Variants in DHRS3 observed in about 807,000 individuals in gnomAD.
DHRS3 encodes short-chain dehydrogenase/reductase 3.
DHRS3 carries 14 observed loss-of-function variants against 27.2 expected under a neutral mutation model. That is an observed-to-expected ratio of 0.52 (90% CI 0.34 to 0.81). DHRS3 has a LOEUF of 0.81. Among genes scored for constraint, DHRS3 ranks in the 30% least tolerant of loss-of-function variants. The pLI is 0.01. For missense variants in DHRS3, 322 were observed against 406.2 expected, an observed-to-expected ratio of 0.79 and a Z score of 1.78; for synonymous variants, 165 against 175.9, an observed-to-expected ratio of 0.94 and a Z score of 0.49.
At chr1:12,589,400 T>C (rs1646726739) in intron 1 of DHRS3, among the ~76,000 whole-genome samples, 1 of 150,836 alleles carries the variant, frequency 6.6e-6, no homozygotes, top group Non-Finnish European at 1.5e-5. Context: ...TCTTTTTTTT[T>C]TTTTTTGAGA....
At chr1:12,596,983 CT>C (rs914225290) in intron 1 of DHRS3, among the ~76,000 whole-genome samples, 1 of 152,044 alleles carries the variant, frequency 6.6e-6, no homozygotes, top group Non-Finnish European at 1.5e-5. Context: ...ATAGTCCCCC[CT>C]GGCTCAAGGA....
chr1:12,584,611 G>A (rs548258325), intron 1 of DHRS3, among the ~76,000 whole-genome samples: 2 of 152,232 alleles, frequency 1.3e-5, no homozygotes, highest in Admixed American at 6.5e-5. Context: ...GGGAAGGGAG[G>A]TGTTTTAACT....
intron 1 of DHRS3, among the ~76,000 whole-genome samples, chr1:12,606,724 C>T (rs111508045): frequency 0.033 from 4,990 of 151,776 alleles, 90 homozygotes; most frequent in South Asian, 0.053. Context: ...CTTGAACTCC[C>T]GACCAGGTGA....
At chr1:12,597,340 G>A (rs568460629) in intron 1 of DHRS3, among the ~76,000 whole-genome samples, 1 of 152,282 alleles carries the variant, frequency 6.6e-6, no homozygotes, top group East Asian at 1.9e-4. Context: ...GCCTTCCAAA[G>A]TGTTGGGATT....
chr1:12,569,770 T>G (rs1416685683), intron 5 of DHRS3, among the ~76,000 whole-genome samples: 1 of 152,210 alleles, frequency 6.6e-6, no homozygotes, highest in Non-Finnish European at 1.5e-5. Context: ...TTCGCCATGT[T>G]GGCCAGGCTG....
rs1413903888 is a variant in DHRS3, at chr1:12,591,170, A to G, written c.196-10504T>C. Among the ~76,000 whole-genome samples the G allele has an allele frequency of 1.3e-5, 2 of 152,232 alleles. No individual in the cohort carries two copies. Among genetic ancestry groups the G allele is most frequent in the African/African-American group, 4.8e-5 (2 of 41,474 alleles). On this transcript the variant is annotated intron_variant, in intron 1 of 5. Coordinates refer to ENST00000616661, the MANE Select transcript of DHRS3 (RefSeq NM_004753.7). The surrounding 1 kb of genome is among the most constrained non-coding windows in gnomAD (Gnocchi z 4.1). ...TGTACTAATAAAAATAGTAACAGCT[A>G]GCATTTATTGGTGTAGCCCTAGGTC...
rs967650345 is a variant in DHRS3 at position 12,591,592 on chromosome 1, G to A, written c.196-10926C>T. The stretch of plus-strand genomic sequence containing the variant: ...GAATGACAGTAGCTCTGACATGCAC[G>A]TGGGGCTCACTAGCTGGCCACACTG... On this transcript the variant is annotated intron_variant, in intron 1 of 5. Transcript: ENST00000616661. This position sits in a 1 kb window ranked among gnomAD's most constrained non-coding sequence, Gnocchi z 4.1. Among the ~76,000 whole-genome samples the A allele has an allele frequency of 5.9e-5, 9 of 152,372 alleles. No homozygotes were observed. The South Asian group carries it at 1.7e-3, about 28-fold the overall frequency.
chr1:12,581,855 C>A (rs1335184609), intron 1 of DHRS3, among the ~76,000 whole-genome samples: 3 of 152,072 alleles, frequency 2.0e-5, no homozygotes, highest in Non-Finnish European at 2.9e-5. Flanking sequence ...CAGGAAGAGC[C>A]GAAAGGGTTT....
intron 1 of DHRS3, among the ~76,000 whole-genome samples, chr1:12,597,625 A>G (rs1646807624): frequency 6.6e-6 from 1 of 152,206 alleles, no homozygotes; most frequent in South Asian, 2.1e-4. Context: ...AGGCTGTCCA[A>G]GGAATTTCCA....
In DHRS3 at chr1:12,608,321, G is replaced by A. The variant is rs190247497; in HGVS notation, c.195+8833C>T. Among the ~76,000 whole-genome samples the A allele has an allele frequency of 1.4e-4, 22 of 152,042 alleles. No individual in the cohort carries two copies. The highest frequency in any genetic ancestry group is 1.3e-4 in the Admixed American group (2 of 15,256). The stretch of plus-strand genomic sequence containing the variant: ...CACGGTCATGAATATTACTAGGAAC[G>A]CAAGGAAGCCATCAGCATCCAGTTC... On this transcript the variant is annotated intron_variant, in intron 1 of 5. Transcript: ENST00000616661. The surrounding 1 kb of genome is among the most constrained non-coding windows in gnomAD (Gnocchi z 4.1).
At chr1:12,569,231 T>A (rs76760850) in intron 5 of DHRS3, among the ~76,000 whole-genome samples, 21,738 of 109,952 alleles carry the variant, frequency 0.2, 3,050 homozygotes, top group African/African-American at 0.4. Context: ...TCTCTCTCTC[T>A]CACACACACA....
chr1:12,611,928 A>G (rs1646912270), intron 1 of DHRS3, among the ~76,000 whole-genome samples: 1 of 149,424 alleles, frequency 6.7e-6, no homozygotes, highest in Non-Finnish European at 1.5e-5. Flanking sequence ...TCCCGTCTCT[A>G]TTTTTAAAAT....
rs536997511 is a variant in DHRS3 at position 12,597,169 on chromosome 1, C to A, written c.196-16503G>T. 2.0e-5 allele frequency among the ~76,000 whole-genome samples: 3 copies of A among 152,232 alleles called. No individual in the cohort carries two copies. The South Asian group carries it at 6.2e-4, about 32-fold the overall frequency. The stretch of plus-strand genomic sequence containing the variant: ...TCGGCTCACTGCAACCTCCGCCTCC[C>A]GGGTTCAAGCGATTCTCCTGCCTCA... On this transcript the variant is annotated intron_variant, in intron 1 of 5. Coordinates refer to ENST00000616661, the MANE Select transcript of DHRS3 (RefSeq NM_004753.7).
chr1:12,616,502 G>A, intron 1 of DHRS3: 4 of 953,766 alleles, frequency 4.2e-6, no homozygotes, highest in Non-Finnish European at 5.0e-6. Flanking sequence ...GGGTGTACTG[G>A]GGGGGAGGGG....
Position 12,588,836 on chromosome 1 carries a change from T to C in DHRS3, c.196-8170A>G, listed in dbSNP as rs556637877. On this transcript the variant is annotated intron_variant, in intron 1 of 5. Transcript: ENST00000616661. ...GGGTGCGTCCCAGGAGGAGCATCTG[T>C]TTATAATTGGCAGCCCCTGAAAGAT... 2.0e-5 allele frequency among the ~76,000 whole-genome samples: 3 copies of C among 152,292 alleles called. No individual in the cohort carries two copies. The East Asian group carries it at 5.8e-4, about 29-fold the overall frequency.
chr1:12,590,415 A>G (rs1398579919), intron 1 of DHRS3, among the ~76,000 whole-genome samples: 1 of 152,054 alleles, frequency 6.6e-6, no homozygotes, highest in African/African-American at 2.4e-5. Context: ...GGTTCCAGCA[A>G]TTCTCCTGCC....
intron 1 of DHRS3, among the ~76,000 whole-genome samples, chr1:12,600,739 G>A (rs1365070796): frequency 6.6e-6 from 1 of 152,154 alleles, no homozygotes; most frequent in Non-Finnish European, 1.5e-5. Context: ...GGGAGAGCTG[G>A]CCTCTCGCAC....
chr1:12,596,892 C>T (rs1400895012), intron 1 of DHRS3, among the ~76,000 whole-genome samples: 1 of 152,164 alleles, frequency 6.6e-6, no homozygotes, highest in Admixed American at 6.5e-5. Context: ...CAAGGCTGCC[C>T]TTCTCCTCAC....
chr1:12,592,903 G>A lies in DHRS3; in HGVS notation c.196-12237C>T, dbSNP rs1042618184. Among the ~76,000 whole-genome samples, 7 of 152,046 alleles carry A rather than the reference G, an allele frequency of 4.6e-5. No homozygotes were observed. The highest frequency in any genetic ancestry group is 1.2e-4 in the African/African-American group (5 of 41,382). On this transcript the variant is annotated intron_variant, in intron 1 of 5. Coordinates refer to ENST00000616661, the MANE Select transcript of DHRS3 (RefSeq NM_004753.7). The surrounding 1 kb of genome is among the most constrained non-coding windows in gnomAD (Gnocchi z 4.2). ...TCTCACTGTATGCCCACTCCACCAC[G>A]CACCCTGTCAGCCTGACCTCTGAAA...
Sources: gnomAD v4.1 joint callset for allele counts (sites outside exome capture counted in the v4.1 genomes callset) on GRCh38, gnomAD v4.1.1 for gene constraint, Gnocchi (gnomAD v3.1) non-coding constraint, MANE v1.5 for transcripts, NCBI Gene and HGNC (gene_info 2026-07-23, HGNC 2026-07-21) for gene names.